GALK1: variants seen among roughly 807,000 people sequenced by gnomAD.
GALK1 encodes galactokinase 1.
In GALK1, 30 loss-of-function variants were observed where a neutral mutation model predicts 38.6. The observed-to-expected ratio is 0.78, with a 90% confidence interval of 0.58 to 1.05. The LOEUF is 1.05. Ranked by LOEUF, GALK1 falls within the 50% of genes least tolerant of loss-of-function variation. The pLI, the probability that GALK1 is intolerant of heterozygous loss-of-function variation, is 0.00. For synonymous variants in GALK1, 240 were observed against 233.6 expected (o/e 1.03, Z -0.25); for missense variants, 512 against 540.5 (o/e 0.95, Z 0.52).
Position 75,758,549 on chromosome 17 carries a change from C to A in GALK1, c.844G>T (p.Val282Leu). ...KEGFRRARHV[V>L]GEIRRTAQAA... ...TGGGCCGTGCGCCGAATCTCCCCCACCACGTGCCGGGCCCGCCGGAAGCCC... is the reference window on the plus strand; with the variant it reads ...TGGGCCGTGCGCCGAATCTCCCCCAACACGTGCCGGGCCCGCCGGAAGCCC... The change falls in exon 6 of 8, where the codon GTG becomes TTG. Residue 282 changes from valine to leucine, a missense_variant. By Grantham distance (32) the Val-to-Leu change is conservative (BLOSUM62 1). Transcript: ENST00000588479. 6.3e-7 allele frequency: 1 copy of A among 1,596,296 alleles called. No individual in the cohort carries two copies. The highest frequency in any genetic ancestry group is 1.1e-5 in the South Asian group (1 of 89,418).
At position 75,758,224 on chromosome 17, in the gene GALK1, TGGCGTGGGGA is replaced by T; in HGVS notation, c.1083_1092del (p.Pro362CysfsTer73). 2 of 1,605,938 alleles carry T rather than the reference TGGCGTGGGGA, an allele frequency of 1.2e-6. No individual in the cohort carries two copies. Among genetic ancestry groups the T allele is most frequent in the Non-Finnish European group, 1.7e-6 (2 of 1,177,120 alleles). On this transcript the variant is annotated frameshift_variant, in exon 7 of 8. Coordinates refer to ENST00000588479, the MANE Select transcript of GALK1 (RefSeq NM_000154.2). LOFTEE classifies it high-confidence loss of function. ...TGCCCGCCCACCTGGATGTGCCGCA[TGGCGTGGGGA>T]GCAGCGGAGGCCTCCAGCAGTGTCA...
chr17:75,759,820 C>T (rs2061579946), intron 5 of GALK1, among the ~76,000 whole-genome samples: 2 of 152,166 alleles, frequency 1.3e-5, no homozygotes, highest in Admixed American at 1.3e-4. Flanking sequence ...CTGAGATAGG[C>T]ACACCTACAC....
downstream of GALK1, chr17:75,753,875 T>C: frequency 2.2e-6 from 3 of 1,339,764 alleles, no homozygotes; most frequent in Middle Eastern, 2.7e-4. Flanking sequence ...CAGCGGGCGC[T>C]CCTCCGACGC....
Position 75,764,083 on chromosome 17 carries a change from G to C in GALK1, c.169C>G (p.Leu57Val). 6.3e-7 allele frequency: 1 copy of C among 1,576,292 alleles called. No homozygotes were observed. The highest frequency in any genetic ancestry group is 8.6e-7 in the Non-Finnish European group (1 of 1,164,618). The stretch of plus-strand genomic sequence containing the variant: ...CCCACCAGCACCGTCATGAGCTCCA[G>C]AGCCTGGCAGGAGAGACAAGCAGTA... ...YNQGLVLPMA[L>V]ELMTVLVGSP... The change falls in exon 2 of 8, where the codon CTG (leucine) becomes GTG (valine). Residue 57 changes from leucine to valine, a missense_variant. By Grantham distance (32) the Leu-to-Val change is conservative. Coordinates refer to ENST00000588479, the MANE Select transcript of GALK1 (RefSeq NM_000154.2).
chr17:75,757,801 A>G (rs1045339079), downstream of GALK1: 2 of 663,038 alleles, frequency 3.0e-6, no homozygotes, highest in Admixed American at 2.6e-5. Flanking sequence ...CACTTAATAA[A>G]TGGTTTTGCT....
downstream of GALK1, chr17:75,755,582 C>T (rs2061477976): frequency 8.3e-6 from 11 of 1,318,724 alleles, no homozygotes; most frequent in Non-Finnish European, 1.2e-5. Flanking sequence ...AGTGAGTTGT[C>T]CAGCCAGCGG....
Position 75,764,039 on chromosome 17 carries a change from C to G in GALK1, c.213G>C (p.Gly71=), listed in dbSNP as rs756637208. The change falls in exon 2 of 8, where the codon GGG becomes GGC. Residue 71 remains glycine, a synonymous_variant. Coordinates refer to ENST00000588479, the MANE Select transcript of GALK1 (RefSeq NM_000154.2). The part of the protein sequence containing the change: ...TVLVGSPRKD[G]LVSLLTTSEG... The stretch of plus-strand genomic sequence containing the variant: ...CAGAGGTGGTGAGGAGAGACACCAG[C>G]CCATCCTTGCGGGGGCTGCCCACCA... 6.2e-7 allele frequency: 1 copy of G among 1,601,218 alleles called. No homozygotes were observed. Among genetic ancestry groups the G allele is most frequent in the Non-Finnish European group, 8.5e-7 (1 of 1,175,540 alleles).
At chr17:75,753,791 C>T, downstream of GALK1, 1 of 1,457,964 alleles carries the variant, frequency 6.9e-7, no homozygotes, top group Non-Finnish European at 9.0e-7. Flanking sequence ...CGAGCCCCTG[C>T]TGGGGGAGGA....
chr17:75,764,933 G>A, intron 1 of GALK1, 39 bp downstream of exon 1: 1 of 1,587,346 alleles, frequency 6.3e-7, no homozygotes, highest in Non-Finnish European at 8.6e-7. Flanking sequence ...GGCCGGGACA[G>A]GCGGCGGCGG....
downstream of GALK1, chr17:75,757,560 A>G (rs764094923): frequency 3.7e-6 from 6 of 1,602,814 alleles, no homozygotes; most frequent in Non-Finnish European, 5.1e-6. Flanking sequence ...ACTTGACCGC[A>G]CCCTGCCCCA....
Position 75,762,816 on chromosome 17 carries a change from G to A in GALK1, c.681C>T (p.Val227=). 1 of 1,613,810 alleles carries A rather than the reference G, an allele frequency of 6.2e-7. No homozygotes were observed. Among genetic ancestry groups the A allele is most frequent in the Non-Finnish European group, 8.5e-7 (1 of 1,179,954 alleles). The change falls in exon 5 of 8, where the codon GTC becomes GTT. Residue 227 remains valine, a synonymous_variant. Transcript: ENST00000588479. ...KLAVLITNSN[V]RHSLASSEYP... Reference sequence around the variant, plus strand: ...ACTCGCTGGAGGCCAGGGAGTGGCGGACATTAGAGTTGGTGATGAGCACGG... The same window carrying A: ...ACTCGCTGGAGGCCAGGGAGTGGCGAACATTAGAGTTGGTGATGAGCACGG...
downstream of GALK1, chr17:75,754,508 C>T: frequency 2.5e-6 from 4 of 1,604,082 alleles, no homozygotes; most frequent in Admixed American, 1.7e-5. Context: ...ATGTGCAGGG[C>T]CCAGCCTGCC....
At chr17:75,753,642 C>A (rs2061418752), downstream of GALK1, 3 of 602,552 alleles carry the variant, frequency 5.0e-6, no homozygotes, top group Non-Finnish European at 7.3e-6. Flanking sequence ...CCCCAACACA[C>A]ACCCCGGGAT....
At position 75,763,434 on chromosome 17, in the gene GALK1, G is replaced by A. The variant is rs1343615215; in HGVS notation, c.361C>T (p.Pro121Ser). The A allele has an allele frequency of 6.3e-7, 1 of 1,598,824 alleles. No homozygotes were observed. Among genetic ancestry groups the A allele is most frequent in the South Asian group, 1.1e-5 (1 of 89,156 alleles). ...KGVIQYYPAA[P>S]LPGFSAVVVS... ...ACCACTGCACTGAAGCCAGGGAGGGGGGCAGCTGCAGGGGAAAGAACAGGT... is the reference window on the plus strand; with the variant it reads ...ACCACTGCACTGAAGCCAGGGAGGGAGGCAGCTGCAGGGGAAAGAACAGGT... The change falls in exon 3 of 8, where the codon CCC becomes TCC. Residue 121 changes from proline to serine, a missense_variant. Coordinates refer to ENST00000588479, the MANE Select transcript of GALK1 (RefSeq NM_000154.2).
Position 75,763,940 on chromosome 17 carries a change from A to G in GALK1, c.312T>C (p.Pro104=). The part of the protein sequence containing the change: ...TAQRSLEPGT[P]RWANYVKGVI... ...CTCCCTTGACATAGTTGGCCCACCG[A>G]GGAGTCCCAGGCTCCAGCGAGCGCT... Residue 104 remains proline (P), a synonymous_variant, in exon 2 of 8, where the codon CCT becomes CCC. Coordinates refer to ENST00000588479, the MANE Select transcript of GALK1 (RefSeq NM_000154.2). 1 of 1,613,778 alleles carries G rather than the reference A, an allele frequency of 6.2e-7. No individual in the cohort carries two copies. The highest frequency in any genetic ancestry group is 8.5e-7 in the Non-Finnish European group (1 of 1,179,998).
intron 5 of GALK1, among the ~76,000 whole-genome samples, chr17:75,762,252 G>A (rs987565070): frequency 6.6e-6 from 1 of 150,968 alleles, no homozygotes; most frequent in Non-Finnish European, 1.5e-5. Flanking sequence ...AAGAGTTCAA[G>A]TTTGCAGTAA....
downstream of GALK1, chr17:75,755,770 C>G: frequency 1.2e-6 from 2 of 1,612,714 alleles, no homozygotes; most frequent in South Asian, 2.2e-5. Flanking sequence ...GGGCCCACAT[C>G]TCTCAGAGTG....
chr17:75,764,031 G>C lies in GALK1; in HGVS notation c.221C>G (p.Ser74Cys). The change falls in exon 2 of 8, where the codon TCT becomes TGT. Residue 74 changes from serine to cysteine, a missense_variant. Coordinates refer to ENST00000588479, the MANE Select transcript of GALK1 (RefSeq NM_000154.2). ...GGCACCCTCAGAGGTGGTGAGGAGA[G>C]ACACCAGCCCATCCTTGCGGGGGCT... ...VGSPRKDGLV[S>C]LLTTSEGADE... The C allele has an allele frequency of 6.2e-7, 1 of 1,605,144 alleles. No homozygotes were observed. Among genetic ancestry groups the C allele is most frequent in the Non-Finnish European group, 8.5e-7 (1 of 1,177,184 alleles).
At chr17:75,755,329 C>T, downstream of GALK1, 1 of 1,136,954 alleles carries the variant, frequency 8.8e-7, no homozygotes, top group South Asian at 1.5e-5. Flanking sequence ...CCACAGGACC[C>T]CCGCCTGCCC....
Sources: allele counts gnomAD v4.1 joint callset (sites outside exome capture counted in the v4.1 genomes callset), GRCh38; gene constraint gnomAD v4.1.1; transcripts MANE v1.5; gene names NCBI Gene and HGNC (gene_info 2026-07-23, HGNC 2026-07-21).